Variants in DCC observed in about 807,000 individuals in gnomAD.
DCC encodes the protein netrin receptor DCC.
In DCC, 58 loss-of-function variants were observed where a neutral mutation model predicts 172.5. The observed-to-expected ratio is 0.34, with a 90% CI of 0.27 to 0.42. The LOEUF (loss-of-function observed/expected upper bound fraction) is 0.42. Among genes scored for constraint, DCC ranks in the 10% least tolerant of loss-of-function variants. The pLI is 1.00. For synonymous variants in DCC, 709 were observed against 644.5 expected, an observed-to-expected ratio of 1.10 and a Z score of -1.52; for missense variants, 1,740 against 1,791.0, an observed-to-expected ratio of 0.97 and a Z score of 0.51.
intron 7 of DCC, among the ~76,000 whole-genome samples, chr18:53,132,154 A>C (rs1409803519): frequency 1.3e-5 from 2 of 151,854 alleles, no homozygotes. Flanking sequence ...AAATTTGAGG[A>C]CCTTGGCAGA....
chr18:52,340,926 ACTTCC>A, intron 1 of DCC, 48 bp downstream of exon 1: 2 of 1,381,360 alleles, frequency 1.4e-6, no homozygotes, highest in Non-Finnish European at 2.1e-6. Context: ...TCCGTACCCC[ACTTCC>A]CTTCTCATTT....
chr18:53,302,532 C>T (rs11877496), intron 12 of DCC, among the ~76,000 whole-genome samples: 67,435 of 151,836 alleles, frequency 0.44, 15,604 homozygotes, highest in Non-Finnish European at 0.52. Flanking sequence ...TTGTCTTCAA[C>T]GCTGTTTGTT....
chr18:52,951,695 G>C (rs1188320333), intron 5 of DCC, among the ~76,000 whole-genome samples: 1 of 152,158 alleles, frequency 6.6e-6, no homozygotes, highest in Non-Finnish European at 1.5e-5. Flanking sequence ...TATGGGAAAA[G>C]TATCATTTCA....
chr18:52,541,562 C>A (rs1482998837), intron 1 of DCC, among the ~76,000 whole-genome samples: 1 of 152,024 alleles, frequency 6.6e-6, no homozygotes, highest in African/African-American at 2.4e-5. Flanking sequence ...ACTGGAGTAT[C>A]AAGGGCATGG....
intron 9 of DCC, among the ~76,000 whole-genome samples, chr18:53,204,115 CAT>C (rs2055587114): frequency 1.4e-5 from 2 of 141,082 alleles, no homozygotes; most frequent in Non-Finnish European, 2.9e-5. Flanking sequence ...ATATGAGTAT[CAT>C]ATGCTTTACT....
At chr18:52,571,544 G>T (rs1476482641) in intron 1 of DCC, among the ~76,000 whole-genome samples, 1 of 152,098 alleles carries the variant, frequency 6.6e-6, no homozygotes, top group Non-Finnish European at 1.5e-5. Flanking sequence ...GAATTCCATT[G>T]CAACACTGCA....
At chr18:53,426,794 T>C (rs1042684882) in intron 21 of DCC, among the ~76,000 whole-genome samples, 1 of 152,060 alleles carries the variant, frequency 6.6e-6, no homozygotes, top group Non-Finnish European at 1.5e-5. Flanking sequence ...ATTTGTTGAG[T>C]GGATGGATGA....
intron 1 of DCC, among the ~76,000 whole-genome samples, chr18:52,744,869 G>A (rs956807182): frequency 3.3e-5 from 5 of 152,170 alleles, no homozygotes; most frequent in Admixed American, 6.5e-5. Flanking sequence ...TAAAAGAAAG[G>A]CAATGTGATA....
intron 7 of DCC, among the ~76,000 whole-genome samples, chr18:53,087,970 T>A (rs1218161357): frequency 2.0e-5 from 3 of 152,148 alleles, no homozygotes; most frequent in Admixed American, 1.3e-4. Context: ...ATATCTCTGT[T>A]TTGGTACCAG....
At chr18:53,505,945 G>GCAT (rs1239617560) in intron 27 of DCC, among the ~76,000 whole-genome samples, 1 of 152,134 alleles carries the variant, frequency 6.6e-6, no homozygotes, top group East Asian at 1.9e-4. Context: ...TGAAAATAAA[G>GCAT]CATCTTTTTA....
intron 6 of DCC, among the ~76,000 whole-genome samples, chr18:53,065,681 T>C (rs1381885263): frequency 6.6e-6 from 1 of 152,238 alleles, no homozygotes; most frequent in Non-Finnish European, 1.5e-5. Context: ...AAACCTGAAC[T>C]TCCTTCAATA....
At chr18:52,421,383 G>A (rs938137552) in intron 1 of DCC, among the ~76,000 whole-genome samples, 2 of 152,164 alleles carry the variant, frequency 1.3e-5, no homozygotes, top group Non-Finnish European at 2.9e-5. Context: ...GCTGCATATG[G>A]CTAACTATGA....
At chr18:53,479,151 G>T (rs918933563) in intron 25 of DCC, among the ~76,000 whole-genome samples, 5 of 152,134 alleles carry the variant, frequency 3.3e-5, no homozygotes, top group African/African-American at 1.2e-4. Flanking sequence ...AGGAACGGTG[G>T]TGAGAAAAAA....
At chr18:53,436,218 T>C (rs1048973806) in intron 22 of DCC, among the ~76,000 whole-genome samples, 2 of 152,254 alleles carry the variant, frequency 1.3e-5, no homozygotes, top group Non-Finnish European at 2.9e-5. Flanking sequence ...GAAATGATAT[T>C]GTATCCTGCT....
chr18:53,333,221 G>A (rs1445696719), intron 14 of DCC, among the ~76,000 whole-genome samples: 2 of 152,224 alleles, frequency 1.3e-5, no homozygotes, highest in African/African-American at 4.8e-5. Context: ...CGGCCTAAGG[G>A]AAGTGATGTC....
intron 9 of DCC, among the ~76,000 whole-genome samples, chr18:53,190,591 T>G (rs1343977820): frequency 6.6e-6 from 1 of 152,048 alleles, no homozygotes; most frequent in Non-Finnish European, 1.5e-5. Context: ...TGAGTTAAAA[T>G]TCTTATTAAT....
At chr18:53,051,208 C>T (rs1187734296) in intron 5 of DCC, among the ~76,000 whole-genome samples, 1 of 152,072 alleles carries the variant, frequency 6.6e-6, no homozygotes, top group Non-Finnish European at 1.5e-5. Flanking sequence ...CCAGCCTGGG[C>T]AATGGAGAGA....
At chr18:52,461,623 C>T (rs1988633270) in intron 1 of DCC, among the ~76,000 whole-genome samples, 1 of 152,154 alleles carries the variant, frequency 6.6e-6, no homozygotes, top group Non-Finnish European at 1.5e-5. Context: ...CTCACTAGGC[C>T]ATAGGAATTT....
intron 9 of DCC, among the ~76,000 whole-genome samples, chr18:53,196,958 T>C (rs12958119): frequency 2.0e-5 from 3 of 152,198 alleles, no homozygotes; most frequent in East Asian, 1.9e-4. Flanking sequence ...GGTTTCATTA[T>C]GTTAATAATT....
Sources: gnomAD v4.1 joint callset for allele counts (sites outside exome capture counted in the v4.1 genomes callset) on GRCh38, gnomAD v4.1.1 for gene constraint, MANE v1.5 for transcripts, NCBI Gene and HGNC (gene_info 2026-07-23, HGNC 2026-07-21) for gene names.